PPA2: variants seen among roughly 807,000 people sequenced by gnomAD.
PPA2 encodes inorganic pyrophosphatase 2, mitochondrial.
A neutral mutation model predicts 49.5 loss-of-function variants in PPA2; 48 were observed. The ratio of observed to expected loss-of-function variants is 0.97; its 90% confidence interval spans 0.77 to 1.23. PPA2 has a LOEUF of 1.23. Among genes scored for constraint, PPA2 ranks in the 50% most tolerant of loss-of-function variants. The pLI is 0.00. For missense variants in PPA2, 429 were observed against 410.1 expected (o/e 1.05, Z -0.40); for synonymous variants, 131 against 139.9 (o/e 0.94, Z 0.45).
chr4:105,396,432 G>A (rs1288085476), intron 8 of PPA2, 98 bp from the exon 9 acceptor site: 4 of 799,668 alleles, frequency 5.0e-6, no homozygotes, highest in Non-Finnish European at 7.7e-6. Flanking sequence ...TAATTGTTAA[G>A]AGCATGAGCT....
intron 7 of PPA2, among the ~76,000 whole-genome samples, chr4:105,404,160 A>G (rs1722348587): frequency 1.3e-5 from 2 of 149,066 alleles, no homozygotes; most frequent in South Asian, 4.4e-4. Flanking sequence ...TTAAAACAAT[A>G]ACATTTAAAA....
chr4:105,463,434 G>T (rs1355570438), intron 1 of PPA2, among the ~76,000 whole-genome samples: 2 of 152,164 alleles, frequency 1.3e-5, no homozygotes, highest in South Asian at 4.1e-4. Flanking sequence ...GAGCATAAAA[G>T]TTTGGAAAAT....
At chr4:105,409,389 C>T (rs1158026762) in intron 7 of PPA2, among the ~76,000 whole-genome samples, 1 of 152,230 alleles carries the variant, frequency 6.6e-6, no homozygotes, top group Admixed American at 6.5e-5. Context: ...GTAAACAAAG[C>T]GGCCTGGAAG....
intron 1 of PPA2, among the ~76,000 whole-genome samples, chr4:105,470,988 A>G (rs1478166246): frequency 6.6e-6 from 1 of 152,242 alleles, no homozygotes; most frequent in Non-Finnish European, 1.5e-5. Context: ...AAATGTTCTG[A>G]GAAATAAGTA....
chr4:105,469,739 C>CT (rs1560647632), intron 1 of PPA2, among the ~76,000 whole-genome samples: 4 of 152,114 alleles, frequency 2.6e-5, no homozygotes, highest in Non-Finnish European at 5.9e-5. Context: ...AAATAAAATA[C>CT]TTTTTCTATA....
At chr4:105,467,139 T>C (rs1191739431) in intron 1 of PPA2, among the ~76,000 whole-genome samples, 2 of 152,236 alleles carry the variant, frequency 1.3e-5, no homozygotes, top group Admixed American at 1.3e-4. Context: ...CTGGTGTGTG[T>C]TGAGGGAGGG....
intron 2 of PPA2, among the ~76,000 whole-genome samples, chr4:105,454,589 C>G (rs1722807715): frequency 6.6e-6 from 1 of 152,148 alleles, no homozygotes; most frequent in Non-Finnish European, 1.5e-5. Context: ...CTGCCTTGGC[C>G]TCCCAAAGTG....
intron 1 of PPA2, among the ~76,000 whole-genome samples, chr4:105,464,217 A>G (rs1240036411): frequency 6.6e-6 from 1 of 152,206 alleles, no homozygotes; most frequent in African/African-American, 2.4e-5. Flanking sequence ...AGACACATGG[A>G]ATCAAAGGAG....
chr4:105,420,382 T>C (rs1455550041), intron 7 of PPA2, among the ~76,000 whole-genome samples: 4 of 152,222 alleles, frequency 2.6e-5, no homozygotes, highest in East Asian at 1.9e-4. Context: ...GTTGGGTTAC[T>C]GGTGCGAGCA....
intron 1 of PPA2, among the ~76,000 whole-genome samples, chr4:105,465,344 A>C (rs2110329864): frequency 6.6e-6 from 1 of 152,274 alleles, no homozygotes; most frequent in Non-Finnish European, 1.5e-5. Context: ...CCAATGCCTC[A>C]CGGATATCAT....
At chr4:105,378,119 C>G (rs919754654) in intron 10 of PPA2, among the ~76,000 whole-genome samples, 3 of 152,098 alleles carry the variant, frequency 2.0e-5, no homozygotes, top group Non-Finnish European at 4.4e-5. Flanking sequence ...CAAGAAAATA[C>G]CAAAATGTTT....
chr4:105,374,234 A>G (rs907061143), intron 10 of PPA2, among the ~76,000 whole-genome samples: 1 of 152,160 alleles, frequency 6.6e-6, no homozygotes, highest in African/African-American at 2.4e-5. Context: ...TCCACCAACA[A>G]TGAGTATTGT....
chr4:105,429,842 G>T (rs1441439211), intron 6 of PPA2, among the ~76,000 whole-genome samples: 1 of 152,048 alleles, frequency 6.6e-6, no homozygotes, highest in African/African-American at 2.4e-5. Flanking sequence ...ACATAATAGA[G>T]TAAAGCCTTA....
intron 6 of PPA2, among the ~76,000 whole-genome samples, chr4:105,437,696 A>T (rs1459686050): frequency 6.6e-6 from 1 of 152,210 alleles, no homozygotes; most frequent in East Asian, 1.9e-4. Context: ...GCAGTCATAG[A>T]CAGTATGTAC....
At chr4:105,421,648 G>A (rs1418807478) in intron 7 of PPA2, among the ~76,000 whole-genome samples, 8 of 151,662 alleles carry the variant, frequency 5.3e-5, no homozygotes, top group East Asian at 1.9e-4. Flanking sequence ...TTTTTTCCTC[G>A]GTCTCTGTAA....
chr4:105,419,337 G>T (rs1003611048), intron 7 of PPA2, among the ~76,000 whole-genome samples: 15 of 152,138 alleles, frequency 9.9e-5, no homozygotes, highest in African/African-American at 3.6e-4. Flanking sequence ...GCCCCGGTGT[G>T]TGATGTTCCC....
chr4:105,428,940 A>G (rs991688594), intron 6 of PPA2, among the ~76,000 whole-genome samples: 2 of 152,242 alleles, frequency 1.3e-5, no homozygotes, highest in African/African-American at 4.8e-5. Context: ...AAGCTCATTC[A>G]TAATATAAAT....
At chr4:105,383,200 T>C (rs1733558310) in intron 10 of PPA2, among the ~76,000 whole-genome samples, 1 of 152,132 alleles carries the variant, frequency 6.6e-6, no homozygotes, top group African/African-American at 2.4e-5. Context: ...AGTTCAAACA[T>C]CTATATTTGT....
chr4:105,425,099 C>T (rs1723433494), intron 6 of PPA2, among the ~76,000 whole-genome samples: 1 of 152,184 alleles, frequency 6.6e-6, no homozygotes, highest in East Asian at 1.9e-4. Flanking sequence ...CTGGATACAA[C>T]TAAACTGACT....
Sources: allele counts gnomAD v4.1 joint callset (sites outside exome capture counted in the v4.1 genomes callset), GRCh38; gene constraint gnomAD v4.1.1; transcripts MANE v1.5; gene names NCBI Gene and HGNC (gene_info 2026-07-23, HGNC 2026-07-21).